The following CCDC88C variants were observed in gnomAD, a reference collection of about 807,000 sequenced individuals.
CCDC88C encodes the protein coiled-coil and HOOK domain protein 88C.
Under a neutral mutation model 198.8 loss-of-function variants are expected in CCDC88C, and 131 were observed. The ratio of observed to expected loss-of-function variants is 0.66; its 90% CI spans 0.57 to 0.76. The LOEUF (loss-of-function observed/expected upper bound fraction) is 0.76. CCDC88C is among the 30% of genes least tolerant of loss of function. CCDC88C has a pLI of 0.00. For missense variants in CCDC88C, 2,553 were observed against 2,631.6 expected (o/e 0.97, Z 0.65); for synonymous variants, 1,166 against 1,114.7 (o/e 1.05, Z -0.92).
intron 4 of CCDC88C, among the ~76,000 whole-genome samples, chr14:91,347,247 T>C (rs1893583399): frequency 1.3e-5 from 2 of 152,252 alleles, no homozygotes; most frequent in Admixed American, 1.3e-4. Flanking sequence ...TTATGTACTC[T>C]ATTCGCAGCA....
intron 10 of CCDC88C, among the ~76,000 whole-genome samples, chr14:91,329,975 A>G (rs1470744174): frequency 6.6e-6 from 1 of 152,232 alleles, no homozygotes; most frequent in Non-Finnish European, 1.5e-5. Context: ...GGGAGCACAA[A>G]AAGAGACAAC....
At chr14:91,388,604 G>T (rs992635259) in intron 3 of CCDC88C, among the ~76,000 whole-genome samples, 12 of 152,248 alleles carry the variant, frequency 7.9e-5, no homozygotes, top group Non-Finnish European at 4.4e-5. Flanking sequence ...CTCACAGTAA[G>T]CTCTCAAACT....
chr14:91,326,077 T>A (rs1224310173), intron 10 of CCDC88C, 21 bp from the exon 11 acceptor site: 1 of 1,603,476 alleles, frequency 6.2e-7, no homozygotes, highest in East Asian at 2.2e-5. Flanking sequence ...AAAACATACA[T>A]GAGAACCATC....
chr14:91,294,618 C>T (rs570919260), intron 22 of CCDC88C, among the ~76,000 whole-genome samples: 2 of 152,324 alleles, frequency 1.3e-5, no homozygotes, highest in South Asian at 2.1e-4. Context: ...AGGCTTAGTA[C>T]AAATAAAAAG....
chr14:91,300,111 T>C (rs1348391910), intron 20 of CCDC88C, 41 bp from the exon 21 acceptor site: 1 of 1,589,974 alleles, frequency 6.3e-7, no homozygotes, highest in Admixed American at 1.8e-5. Context: ...GGCCAGGGCC[T>C]TCTTTTCCGA....
At chr14:91,385,706 G>A (rs1274272096) in intron 3 of CCDC88C, among the ~76,000 whole-genome samples, 2 of 152,084 alleles carry the variant, frequency 1.3e-5, no homozygotes, top group Non-Finnish European at 2.9e-5. Flanking sequence ...GCTCACACCT[G>A]TAATCCTAGC....
intron 4 of CCDC88C, among the ~76,000 whole-genome samples, chr14:91,358,395 T>C (rs1049336299): frequency 6.6e-6 from 1 of 152,192 alleles, no homozygotes; most frequent in Non-Finnish European, 1.5e-5. Flanking sequence ...CCTGTGTTCC[T>C]TGACCCCTCA....
intron 3 of CCDC88C, among the ~76,000 whole-genome samples, chr14:91,394,306 C>T (rs1289229632): frequency 1.3e-5 from 2 of 152,226 alleles, no homozygotes; most frequent in Non-Finnish European, 2.9e-5. Flanking sequence ...TCCAGCCCAG[C>T]CCCCTCACTG....
rs1420604632 is a variant in CCDC88C, at chr14:91,355,931, GAA to G, written c.340+3709_340+3710del. On this transcript the variant is annotated intron_variant, in intron 4 of 29. Coordinates refer to ENST00000389857, the MANE Select transcript of CCDC88C (RefSeq NM_001080414.4). ...CTTGTGATGCTATGTGCCCAAAACAGAAAAGTTACCCCAAACTATAAAACGTT... is the reference window on the plus strand; with the variant it reads ...CTTGTGATGCTATGTGCCCAAAACAGAAGTTACCCCAAACTATAAAACGTT... Among the ~76,000 whole-genome samples the G allele has an allele frequency of 2.0e-5, 3 of 152,096 alleles. No individual in the cohort carries two copies. In the South Asian group the frequency reaches 6.2e-4, roughly 31 times the overall value.
rs1209297957 is a variant in CCDC88C, at chr14:91,325,337, A to G, written c.1198-414T>C. Among the ~76,000 whole-genome samples, 1 of 152,150 alleles carries G rather than the reference A, an allele frequency of 6.6e-6. No individual in the cohort carries two copies. Among genetic ancestry groups the G allele is most frequent in the Non-Finnish European group, 1.5e-5 (1 of 68,026 alleles). On this transcript the variant is annotated intron_variant, in intron 11 of 29. Transcript: ENST00000389857. This position sits in a 1 kb window ranked among gnomAD's most constrained non-coding sequence, Gnocchi z 4.1. ...CAACACTGGCAAAGACCCTTCTTCC[A>G]AGACACACACACACACTCATTCCTA...
chr14:91,388,160 C>T (rs368756812), intron 3 of CCDC88C, among the ~76,000 whole-genome samples: 1 of 152,214 alleles, frequency 6.6e-6, no homozygotes, highest in South Asian at 2.1e-4. Context: ...GGAGCAGTTA[C>T]CACGCCCCAG....
At chr14:91,382,666 AG>A (rs1001336335) in intron 3 of CCDC88C, among the ~76,000 whole-genome samples, 26 of 152,314 alleles carry the variant, frequency 1.7e-4, no homozygotes, top group African/African-American at 6.3e-4. Flanking sequence ...CCCAAGAAGT[AG>A]GTACAGGCAT....
At chr14:91,278,312 G>A in intron 28 of CCDC88C, 101 bp from the exon 29 acceptor site, 1 of 1,160,566 alleles carries the variant, frequency 8.6e-7, no homozygotes, top group Non-Finnish European at 1.2e-6. Flanking sequence ...CAAACTATCA[G>A]AATAAAATCC....
At chr14:91,298,173 G>A (rs1322874127) in intron 21 of CCDC88C, among the ~76,000 whole-genome samples, 1 of 152,116 alleles carries the variant, frequency 6.6e-6, no homozygotes, top group Non-Finnish European at 1.5e-5. Context: ...GGTGGCTCAC[G>A]CCTGTAATCC....
intron 3 of CCDC88C, among the ~76,000 whole-genome samples, chr14:91,387,667 C>T (rs1293402573): frequency 2.6e-5 from 4 of 152,154 alleles, no homozygotes; most frequent in African/African-American, 9.7e-5. Context: ...GGCCAGCTGT[C>T]GCCACTCCAG....
rs766945401 is a variant in CCDC88C at position 91,313,098 on chromosome 14, T to C, written c.2718A>G (p.Thr906=). 3 of 1,589,358 alleles carry C rather than the reference T, an allele frequency of 1.9e-6. No homozygotes were observed. Among genetic ancestry groups the C allele is most frequent in the Admixed American group, 3.4e-5 (2 of 58,604 alleles). The part of the protein sequence containing the change: ...LTKQVTVHAR[T]LTTLREDLVL... ...TGCTCACCTCCCTCAGAGTTGTCAGTGTCCTTGCATGCACGGTGACTTGCT... is the reference window on the plus strand; with the variant it reads ...TGCTCACCTCCCTCAGAGTTGTCAGCGTCCTTGCATGCACGGTGACTTGCT... Residue 906 remains threonine (T), a synonymous_variant, in exon 15 of 30, where the codon ACA becomes ACG. Coordinates refer to ENST00000389857, the MANE Select transcript of CCDC88C (RefSeq NM_001080414.4). This position sits in a 1 kb window ranked among gnomAD's most constrained non-coding sequence, Gnocchi z 5.2.
chr14:91,362,672 G>A (rs1223914665), intron 3 of CCDC88C, among the ~76,000 whole-genome samples: 1 of 152,208 alleles, frequency 6.6e-6, no homozygotes. Flanking sequence ...GCTCACGCCT[G>A]TAATCCCAGC....
At chr14:91,392,858 G>A (rs1338457743) in intron 3 of CCDC88C, among the ~76,000 whole-genome samples, 6 of 151,866 alleles carry the variant, frequency 4.0e-5, no homozygotes, top group African/African-American at 1.5e-4. Context: ...CCCGCCCTGA[G>A]TGAGTCTGCA....
intron 3 of CCDC88C, among the ~76,000 whole-genome samples, chr14:91,387,873 G>C (rs1297596358): frequency 6.6e-6 from 1 of 152,204 alleles, no homozygotes; most frequent in Non-Finnish European, 1.5e-5. Flanking sequence ...AGGATCAGCA[G>C]TGCCCAACCC....
Sources: allele counts gnomAD v4.1 joint callset (sites outside exome capture counted in the v4.1 genomes callset), GRCh38; gene constraint gnomAD v4.1.1; non-coding constraint Gnocchi (gnomAD v3.1); transcripts MANE v1.5; gene names NCBI Gene and HGNC (gene_info 2026-07-23, HGNC 2026-07-21).